Variants in TSHZ2 observed in about 807,000 individuals in gnomAD.
TSHZ2 encodes the protein teashirt homolog 2.
A neutral mutation model predicts 74.4 loss-of-function variants in TSHZ2; 21 were observed. The ratio of observed to expected loss-of-function variants is 0.28; its 90% CI spans 0.20 to 0.41. The LOEUF is 0.41. Among genes scored for constraint, TSHZ2 ranks in the 10% least tolerant of loss-of-function variants. The pLI is 1.00. For synonymous variants in TSHZ2, 540 were observed against 515.3 expected (o/e 1.05, Z -0.65); for missense variants, 1,244 against 1,293.5 (o/e 0.96, Z 0.59).
Position 53,218,558 on chromosome 20 carries a change from C to T in TSHZ2, c.41-34941C>T, listed in dbSNP as rs143308192. Reference sequence around the variant, plus strand: ...GCATTGGTTCTATATTCGCAGATGACGAGATTAGCTGGAGCTATGTTGTTG... The same window carrying T: ...GCATTGGTTCTATATTCGCAGATGATGAGATTAGCTGGAGCTATGTTGTTG... On this transcript the variant is annotated intron_variant, in intron 1 of 2. Coordinates refer to ENST00000371497, the MANE Select transcript of TSHZ2 (RefSeq NM_173485.6). 3.3e-5 allele frequency among the ~76,000 whole-genome samples: 5 copies of T among 152,246 alleles called. No homozygotes were observed. In the East Asian group the frequency reaches 5.8e-4, roughly 18 times the overall value.
At chr20:53,343,050 T>C (rs530075530) in intron 2 of TSHZ2, among the ~76,000 whole-genome samples, 2 of 133,948 alleles carry the variant, frequency 1.5e-5, no homozygotes, top group African/African-American at 5.5e-5. Context: ...CACTGCAATC[T>C]CCGCCTCCCG....
chr20:53,376,310 CA>C (rs923481620), intron 2 of TSHZ2, among the ~76,000 whole-genome samples: 12 of 152,140 alleles, frequency 7.9e-5, no homozygotes, highest in Admixed American at 6.5e-4. Flanking sequence ...AAAGTGTTGG[CA>C]AACTGGAACA....
intron 2 of TSHZ2, among the ~76,000 whole-genome samples, chr20:53,328,079 T>G (rs1297726019): frequency 6.6e-6 from 1 of 152,172 alleles, no homozygotes; most frequent in African/African-American, 2.4e-5. Context: ...CTGGGATGTG[T>G]GCTGGTTATA....
At chr20:53,081,983 C>A (rs572331239) in intron 1 of TSHZ2, among the ~76,000 whole-genome samples, 1 of 150,990 alleles carries the variant, frequency 6.6e-6, no homozygotes, top group Non-Finnish European at 1.5e-5. Flanking sequence ...TCCCATTCCA[C>A]AAATATGAAA....
At chr20:53,003,137 TC>T (rs1982499833) in intron 1 of TSHZ2, among the ~76,000 whole-genome samples, 1 of 152,164 alleles carries the variant, frequency 6.6e-6, no homozygotes, top group African/African-American at 2.4e-5. Flanking sequence ...TCTAAGCACT[TC>T]CAGTATGAAA....
chr20:53,404,037 T>C (rs1469740160), intron 2 of TSHZ2, among the ~76,000 whole-genome samples: 1 of 152,238 alleles, frequency 6.6e-6, no homozygotes, highest in Non-Finnish European at 1.5e-5. Flanking sequence ...TTGAGAGAAA[T>C]GGATTTCTAG....
At chr20:53,040,886 T>C (rs543612773) in intron 1 of TSHZ2, among the ~76,000 whole-genome samples, 1 of 152,252 alleles carries the variant, frequency 6.6e-6, no homozygotes, top group Non-Finnish European at 1.5e-5. Context: ...CGGTGCCAAG[T>C]ATGAGTAAAT....
intron 1 of TSHZ2, among the ~76,000 whole-genome samples, chr20:53,040,270 G>A (rs1481248803): frequency 6.6e-6 from 1 of 152,178 alleles, no homozygotes; most frequent in African/African-American, 2.4e-5. Context: ...GTTCCAGGAA[G>A]AAGCACAAAA....
chr20:53,105,460 G>A (rs1024497822), intron 1 of TSHZ2, among the ~76,000 whole-genome samples: 1 of 151,934 alleles, frequency 6.6e-6, no homozygotes, highest in African/African-American at 2.4e-5. Flanking sequence ...TCTCTTGAGC[G>A]GTAAAATCTC....
At chr20:53,396,312 G>C (rs1185343421) in intron 2 of TSHZ2, among the ~76,000 whole-genome samples, 1 of 152,202 alleles carries the variant, frequency 6.6e-6, no homozygotes, top group Non-Finnish European at 1.5e-5. Flanking sequence ...TGCACCAGCT[G>C]CTATTCTAAG....
At chr20:53,086,054 G>T (rs561152091) in intron 1 of TSHZ2, among the ~76,000 whole-genome samples, 10 of 152,190 alleles carry the variant, frequency 6.6e-5, no homozygotes, top group Non-Finnish European at 1.2e-4. Context: ...CATGGAGGCC[G>T]TGTCTTCTGG....
intron 1 of TSHZ2, among the ~76,000 whole-genome samples, chr20:53,036,706 T>A (rs1017023261): frequency 1.4e-5 from 2 of 147,884 alleles, no homozygotes; most frequent in Admixed American, 1.4e-4. Flanking sequence ...ACTATGTATA[T>A]GTATGTATAT....
At chr20:53,376,661 C>T (rs2145632219) in intron 2 of TSHZ2, among the ~76,000 whole-genome samples, 1 of 152,278 alleles carries the variant, frequency 6.6e-6, no homozygotes, top group Middle Eastern at 3.4e-3. Context: ...GGTATCTCAC[C>T]TAGAATGGCT....
At chr20:53,466,750 C>G (rs1362756062) in intron 2 of TSHZ2, among the ~76,000 whole-genome samples, 1 of 152,216 alleles carries the variant, frequency 6.6e-6, no homozygotes, top group African/African-American at 2.4e-5. Flanking sequence ...GACATTTTCT[C>G]TCTCCATTGT....
chr20:53,267,620 T>C (rs774753711), intron 2 of TSHZ2, among the ~76,000 whole-genome samples: 7 of 152,206 alleles, frequency 4.6e-5, no homozygotes, highest in Non-Finnish European at 1.0e-4. Context: ...CTTGTAGTCA[T>C]GTCATCTCCT....
intron 1 of TSHZ2, among the ~76,000 whole-genome samples, chr20:52,990,093 A>G (rs1981923828): frequency 6.6e-6 from 1 of 152,172 alleles, no homozygotes. Flanking sequence ...ATTGCACAAA[A>G]TCCTGTATTG....
At chr20:53,076,808 G>T (rs1211759444) in intron 1 of TSHZ2, among the ~76,000 whole-genome samples, 3 of 152,146 alleles carry the variant, frequency 2.0e-5, no homozygotes, top group African/African-American at 7.2e-5. Flanking sequence ...GATCCTGGAA[G>T]GCTGGAAAGA....
intron 2 of TSHZ2, among the ~76,000 whole-genome samples, chr20:53,336,784 A>C (rs940165236): frequency 1.1e-4 from 16 of 152,270 alleles, no homozygotes; most frequent in South Asian, 6.2e-4. Flanking sequence ...CTTTCTCTCT[A>C]TATATATGCA....
chr20:53,385,424 G>T (rs188110699), intron 2 of TSHZ2, among the ~76,000 whole-genome samples: 1 of 152,194 alleles, frequency 6.6e-6, no homozygotes, highest in Non-Finnish European at 1.5e-5. Flanking sequence ...GGAGATACTG[G>T]GGCGCCCCAA....
Sources: gnomAD v4.1 joint callset for allele counts (sites outside exome capture counted in the v4.1 genomes callset) on GRCh38, gnomAD v4.1.1 for gene constraint, MANE v1.5 for transcripts, NCBI Gene and HGNC (gene_info 2026-07-23, HGNC 2026-07-21) for gene names.